VWA8: variants seen among roughly 807,000 people sequenced by gnomAD.
The protein encoded by VWA8 is von Willebrand factor A domain containing 8, also known as von Willebrand factor A domain-containing protein 8.
A neutral mutation model predicts 241.5 loss-of-function variants in VWA8; 221 were observed. That is an observed-to-expected ratio of 0.91 (90% CI 0.82 to 1.02). VWA8 has a LOEUF of 1.02. VWA8 is among the 50% of genes least tolerant of loss of function. The probability of loss-of-function intolerance (pLI) is 0.00; values close to 1 mark genes in which losing one functional copy is unlikely to be tolerated. For missense variants in VWA8, 2,322 were observed against 2,328.7 expected, an observed-to-expected ratio of 1.00 and a Z score of 0.06; for synonymous variants, 852 against 827.1, an observed-to-expected ratio of 1.03 and a Z score of -0.52.
intron 2 of VWA8, among the ~76,000 whole-genome samples, chr13:41,915,346 T>C (rs975252728): frequency 3.9e-5 from 6 of 152,238 alleles, no homozygotes; most frequent in African/African-American, 1.2e-4. Flanking sequence ...GCAGTGGTTC[T>C]CAACTGGTGA....
chr13:41,818,263 G>T (rs375624414), intron 15 of VWA8, among the ~76,000 whole-genome samples: 1 of 145,152 alleles, frequency 6.9e-6, no homozygotes, highest in Middle Eastern at 3.5e-3. Flanking sequence ...GCACCTGGCC[G>T]AATTTTTAAA....
In VWA8 at chr13:41,587,530, G is replaced by A. The variant is rs1340568119; in HGVS notation, c.5253C>T (p.Asn1751=). The A allele has an allele frequency of 2.5e-6, 4 of 1,614,134 alleles. No individual in the cohort carries two copies. The highest frequency in any genetic ancestry group is 2.5e-6 in the Non-Finnish European group (3 of 1,180,026). ...AVCMVMEAFE[N]YEEKFQYDIV... ...TCATTACCTGGAACTTCTCCTCATA[G>A]TTCTCGAAGGCTTCCATGACCATAC... Residue 1751 remains asparagine (N), a synonymous_variant, in exon 42 of 45, where the codon AAC becomes AAT. Coordinates refer to ENST00000379310, the MANE Select transcript of VWA8 (RefSeq NM_015058.2).
chr13:41,772,829 GAA>G (rs1430847716), intron 20 of VWA8, among the ~76,000 whole-genome samples: 1 of 152,126 alleles, frequency 6.6e-6, no homozygotes, highest in Non-Finnish European at 1.5e-5. Flanking sequence ...TAGATTCTTA[GAA>G]AAGATAGTAT....
At chr13:41,788,840 G>A (rs961226277) in intron 17 of VWA8, among the ~76,000 whole-genome samples, 1 of 152,130 alleles carries the variant, frequency 6.6e-6, no homozygotes, top group Non-Finnish European at 1.5e-5. Flanking sequence ...GCTTAGACTT[G>A]TTGGCTATTC....
chr13:41,660,865 T>G (rs2044944636), intron 37 of VWA8, among the ~76,000 whole-genome samples: 1 of 151,956 alleles, frequency 6.6e-6, no homozygotes, highest in Non-Finnish European at 1.5e-5. Context: ...TGAGAATCTC[T>G]GAGAATTGGG....
At chr13:41,887,660 G>T (rs1303607963) in intron 5 of VWA8, among the ~76,000 whole-genome samples, 1 of 152,198 alleles carries the variant, frequency 6.6e-6, no homozygotes, top group Non-Finnish European at 1.5e-5. Flanking sequence ...CAGTCAGGGG[G>T]TAAGGAAAAT....
chr13:41,612,237 C>T (rs2044593887), intron 38 of VWA8, among the ~76,000 whole-genome samples: 1 of 152,106 alleles, frequency 6.6e-6, no homozygotes. Flanking sequence ...TTCTGTTCTG[C>T]AAATTATAAA....
chr13:41,705,800 C>CG (rs1329625655), intron 26 of VWA8, among the ~76,000 whole-genome samples: 2 of 152,114 alleles, frequency 1.3e-5, no homozygotes, highest in Non-Finnish European at 2.9e-5. Context: ...AGAAGTGTCA[C>CG]TGGTAAGTTT....
intron 37 of VWA8, among the ~76,000 whole-genome samples, chr13:41,652,340 C>T (rs1473813044): frequency 1.3e-5 from 2 of 152,188 alleles, no homozygotes; most frequent in Non-Finnish European, 2.9e-5. Flanking sequence ...AGGCTGAAAT[C>T]TCAGCTTTGT....
rs1438696041 is a variant in VWA8, at chr13:41,721,425, A to T, written c.2909T>A (p.Ile970Asn). 6 of 1,613,854 alleles carry T rather than the reference A, an allele frequency of 3.7e-6. No homozygotes were observed. The highest frequency in any genetic ancestry group is 1.7e-5 in the Admixed American group (1 of 59,988). Residue 970 changes from isoleucine (I) to asparagine (N), a missense_variant, in exon 25 of 45, where the codon ATT becomes AAT. By Grantham distance (149) the Ile-to-Asn change is moderately radical. Transcript: ENST00000379310. Reference sequence around the variant, plus strand: ...TCTGGTAGAATAAGGATAGTTAATAATCCCTTGGTCAGCCAAACTCCTCAG... The same window carrying T: ...TCTGGTAGAATAAGGATAGTTAATATTCCCTTGGTCAGCCAAACTCCTCAG... ...GELRSLADQG[I>N]INYPYSTREV...
intron 37 of VWA8, among the ~76,000 whole-genome samples, chr13:41,636,718 A>G (rs2044759788): frequency 6.6e-6 from 1 of 151,354 alleles, no homozygotes; most frequent in Admixed American, 6.6e-5. Flanking sequence ...AAACAAATTT[A>G]CAAGAAAAAA....
intron 17 of VWA8, among the ~76,000 whole-genome samples, chr13:41,795,947 G>A (rs1869681699): frequency 1.3e-5 from 2 of 151,980 alleles, no homozygotes; most frequent in African/African-American, 2.4e-5. Flanking sequence ...GAACTCAGAA[G>A]TTGATGGAAA....
intron 4 of VWA8, among the ~76,000 whole-genome samples, chr13:41,893,554 A>C (rs1281544087): frequency 6.6e-6 from 1 of 152,162 alleles, no homozygotes; most frequent in Non-Finnish European, 1.5e-5. Context: ...TAGCTGTATA[A>C]AGGACAAAGT....
At chr13:41,884,910 CA>C (rs1874447140) in intron 8 of VWA8, among the ~76,000 whole-genome samples, 1 of 151,514 alleles carries the variant, frequency 6.6e-6, no homozygotes. Context: ...TACATACATA[CA>C]TACATACATA....
intron 12 of VWA8, among the ~76,000 whole-genome samples, chr13:41,856,591 C>T (rs533393011): frequency 5.9e-5 from 9 of 152,130 alleles, no homozygotes; most frequent in South Asian, 4.2e-4. Flanking sequence ...GAGACCAAGG[C>T]GGGAGGACTG....
At chr13:41,874,435 C>T (rs1220653537) in intron 9 of VWA8, among the ~76,000 whole-genome samples, 1 of 151,894 alleles carries the variant, frequency 6.6e-6, no homozygotes, top group Non-Finnish European at 1.5e-5. Context: ...TCTAGAAAAC[C>T]CCATTGTCTC....
intron 9 of VWA8, among the ~76,000 whole-genome samples, chr13:41,881,550 T>C (rs1445541796): frequency 2.7e-5 from 4 of 148,932 alleles, no homozygotes; most frequent in Non-Finnish European, 3.0e-5. Context: ...GCCATTGTCA[T>C]CATGGCCCGT....
chr13:41,947,867 G>A (rs1321364976), intron 2 of VWA8, among the ~76,000 whole-genome samples: 1 of 147,548 alleles, frequency 6.8e-6, no homozygotes, highest in Admixed American at 6.9e-5. Context: ...GGGAGGGGGA[G>A]GTTGCAGTGA....
chr13:41,919,801 G>C (rs1370461912), intron 2 of VWA8, among the ~76,000 whole-genome samples: 1 of 152,004 alleles, frequency 6.6e-6, no homozygotes, highest in Non-Finnish European at 1.5e-5. Context: ...CCTACCCAGT[G>C]CCATAGCCGA....
Sources: allele counts gnomAD v4.1 joint callset (sites outside exome capture counted in the v4.1 genomes callset), GRCh38; gene constraint gnomAD v4.1.1; transcripts MANE v1.5; gene names NCBI Gene and HGNC (gene_info 2026-07-23, HGNC 2026-07-21).